The following LAPTM4B variants were observed in gnomAD, a reference collection of about 807,000 sequenced individuals.
LAPTM4B encodes the protein lysosomal protein transmembrane 4 beta, also known as lysosomal-associated transmembrane protein 4B.
A neutral mutation model predicts 28.5 loss-of-function variants in LAPTM4B; 26 were observed. That is an observed-to-expected ratio of 0.91 (90% CI 0.67 to 1.27). The LOEUF (loss-of-function observed/expected upper bound fraction) is 1.27. Among genes scored for constraint, LAPTM4B ranks in the 50% most tolerant of loss-of-function variants. The pLI is 0.00. For synonymous variants in LAPTM4B, 109 were observed against 106.4 expected (o/e 1.02, Z -0.15); for missense variants, 288 against 285.8 (o/e 1.01, Z -0.06).
At chr8:97,795,273 T>C (rs758173302) in intron 1 of LAPTM4B, among the ~76,000 whole-genome samples, 5 of 151,924 alleles carry the variant, frequency 3.3e-5, no homozygotes, top group Admixed American at 6.6e-5. Flanking sequence ...CTAAATATTA[T>C]TATTATTTGT....
chr8:97,799,269 A>G (rs1005791892), intron 1 of LAPTM4B, among the ~76,000 whole-genome samples: 2 of 152,224 alleles, frequency 1.3e-5, no homozygotes, highest in African/African-American at 4.8e-5. Flanking sequence ...GAGAAAAATT[A>G]CAACAATTTA....
chr8:97,837,236 G>T (rs1817276702), intron 6 of LAPTM4B, among the ~76,000 whole-genome samples: 1 of 146,822 alleles, frequency 6.8e-6, no homozygotes, highest in South Asian at 2.1e-4. Flanking sequence ...TGTCGCCCAG[G>T]CTGTGGAGTG....
chr8:97,805,342 T>TTTTTTTTTGTTGCAGATTATCAATG lies in LAPTM4B; in HGVS notation c.100-11_100-10insTTTTTTTTGTTGCAGATTATCAATG. The TTTTTTTTTGTTGCAGATTATCAATG allele has an allele frequency of 7.1e-7, 1 of 1,404,822 alleles. No homozygotes were observed. Among genetic ancestry groups the TTTTTTTTTGTTGCAGATTATCAATG allele is most frequent in the South Asian group, 1.2e-5 (1 of 80,224 alleles). 87.0% of individuals were successfully genotyped at this position (1,404,822 alleles called of 1,614,324 possible). A position where few individuals can be genotyped will look rare whatever the true frequency, so the allele number is the denominator to read the frequency against. ...TTAAATTCTTTTTTTTTTTTTTTTT[T>TTTTTTTTTGTTGCAGATTATCAATG]CTTGTTGCAGATCATCAATGCTGTG... On this transcript the variant is annotated splice_polypyrimidine_tract_variant and intron_variant, in intron 1 of 6. Coordinates refer to ENST00000521545, the MANE Select transcript of LAPTM4B (RefSeq NM_018407.6).
At chr8:97,802,596 C>T (rs1028065765) in intron 1 of LAPTM4B, among the ~76,000 whole-genome samples, 8 of 152,146 alleles carry the variant, frequency 5.3e-5, no homozygotes, top group Admixed American at 5.2e-4. Context: ...CTTGCACCGA[C>T]CTCCTATCTC....
chr8:97,835,625 C>T (rs958368149), intron 6 of LAPTM4B, among the ~76,000 whole-genome samples: 1 of 152,204 alleles, frequency 6.6e-6, no homozygotes, highest in Non-Finnish European at 1.5e-5. Context: ...CAAGTGCTGG[C>T]ACATTTTCCT....
At chr8:97,777,138 T>G (rs79575596) in intron 1 of LAPTM4B, among the ~76,000 whole-genome samples, 15 of 54,720 alleles carry the variant, frequency 2.7e-4, no homozygotes, top group Admixed American at 1.3e-3. Flanking sequence ...TTCAGTGAGG[T>G]TTTTTTTTTT....
intron 4 of LAPTM4B, 151 bp downstream of exon 4, chr8:97,816,331 TGAGG>T: frequency 1.4e-5 from 11 of 783,574 alleles, no homozygotes; most frequent in Non-Finnish European, 2.0e-5. Context: ...TTCTTTTTTT[TGAGG>T]TGGAGTCTTG....
chr8:97,782,396 C>G (rs1358924991), intron 1 of LAPTM4B, among the ~76,000 whole-genome samples: 1 of 149,562 alleles, frequency 6.7e-6, no homozygotes, highest in Admixed American at 6.7e-5. Context: ...TTTCAGCCTC[C>G]CAAGTAGCTG....
chr8:97,785,901 A>G (rs1256351912), intron 1 of LAPTM4B, among the ~76,000 whole-genome samples: 1 of 152,208 alleles, frequency 6.6e-6, no homozygotes. Flanking sequence ...CTCAGATAAA[A>G]GTTATTTTCT....
intron 6 of LAPTM4B, among the ~76,000 whole-genome samples, chr8:97,849,832 G>A (rs987261668): frequency 5.0e-5 from 4 of 79,640 alleles, no homozygotes; most frequent in Non-Finnish European, 1.0e-4. Flanking sequence ...GCCCGCCCCC[G>A]GTTCCTGTGT....
chr8:97,779,338 AAT>A (rs755996614), intron 1 of LAPTM4B, among the ~76,000 whole-genome samples: 101 of 151,912 alleles, frequency 6.6e-4, no homozygotes, highest in Non-Finnish European at 4.4e-4. Flanking sequence ...TAAAAGTACA[AAT>A]TAGGTGCGGT....
chr8:97,817,809 C>G (rs1307072275), intron 4 of LAPTM4B, among the ~76,000 whole-genome samples: 2 of 151,742 alleles, frequency 1.3e-5, no homozygotes, highest in Non-Finnish European at 2.9e-5. Context: ...AGGCTGGTCT[C>G]GAACTCCTGA....
chr8:97,833,240 A>C (rs1817211659), intron 6 of LAPTM4B, among the ~76,000 whole-genome samples: 1 of 151,888 alleles, frequency 6.6e-6, no homozygotes, highest in Non-Finnish European at 1.5e-5. Flanking sequence ...AGGCTGGGGC[A>C]GGAGAATCGC....
At chr8:97,825,208 G>T in intron 6 of LAPTM4B, 55 bp downstream of exon 6, 1 of 894,956 alleles carries the variant, frequency 1.1e-6, no homozygotes, top group Non-Finnish European at 1.8e-6. Flanking sequence ...ACTGTATGCT[G>T]ATCTTTAAGT....
At chr8:97,824,169 T>C (rs1339564892) in intron 5 of LAPTM4B, among the ~76,000 whole-genome samples, 1 of 152,130 alleles carries the variant, frequency 6.6e-6, no homozygotes, top group Non-Finnish European at 1.5e-5. Flanking sequence ...TTTCATTTTA[T>C]TCGGTATATA....
rs10561869 is a variant in LAPTM4B at position 97,823,344 on chromosome 8, GT to G, written c.508-1703del. On this transcript the variant is annotated intron_variant, in intron 5 of 6. Coordinates refer to ENST00000521545, the MANE Select transcript of LAPTM4B (RefSeq NM_018407.6). ...GCGAATACAATCATCATACAATATG[GT>G]TTTTTTTTTTGTTTTTTTTTTGTTG... Among the ~76,000 whole-genome samples the G allele has an allele frequency of 3.4e-3, 376 of 109,362 alleles. 6 individuals are homozygous for G. Among genetic ancestry groups the G allele is most frequent in the African/African-American group, 0.011 (349 of 31,188 alleles). The allele number at this position is 109,362 out of a possible 152,430, so 71.7% of individuals were successfully genotyped here.
chr8:97,841,236 A>C (rs1282584814), intron 6 of LAPTM4B, among the ~76,000 whole-genome samples: 1 of 152,298 alleles, frequency 6.6e-6, no homozygotes, highest in Non-Finnish European at 1.5e-5. Context: ...TGTATACTTT[A>C]GAATAAAAGG....
At chr8:97,780,797 G>C (rs1816295981) in intron 1 of LAPTM4B, among the ~76,000 whole-genome samples, 1 of 152,010 alleles carries the variant, frequency 6.6e-6, no homozygotes, top group South Asian at 2.1e-4. Context: ...CATGTGTTTT[G>C]GTTTTGTCTT....
At chr8:97,798,136 A>G (rs961036029) in intron 1 of LAPTM4B, among the ~76,000 whole-genome samples, 46 of 152,188 alleles carry the variant, frequency 3.0e-4, no homozygotes, top group African/African-American at 1.1e-3. Context: ...ATTCTTGGTT[A>G]GAATGGATGA....
Sources: gnomAD v4.1 joint callset for allele counts (sites outside exome capture counted in the v4.1 genomes callset) on GRCh38, gnomAD v4.1.1 for gene constraint, MANE v1.5 for transcripts, NCBI Gene and HGNC (gene_info 2026-07-23, HGNC 2026-07-21) for gene names.